BRF1: variants seen among roughly 807,000 people sequenced by gnomAD.
The protein encoded by BRF1 is BRF1 general transcription factor IIIB subunit.
Under a neutral mutation model 81.7 loss-of-function variants are expected in BRF1, and 59 were observed. The observed-to-expected ratio is 0.72, with a 90% CI of 0.59 to 0.90. The LOEUF is 0.90. Ranked by LOEUF, BRF1 falls within the 40% of genes least tolerant of loss-of-function variation. The probability of loss-of-function intolerance (pLI) is 0.00; values close to 1 mark genes in which losing one functional copy is unlikely to be tolerated. For missense variants in BRF1, 1,050 were observed against 936.3 expected (o/e 1.12, Z -1.58); for synonymous variants, 491 against 395.6 (o/e 1.24, Z -2.86).
chr14:105,244,611 G>A (rs959989451), intron 5 of BRF1, among the ~76,000 whole-genome samples: 1 of 152,088 alleles, frequency 6.6e-6, no homozygotes, highest in East Asian at 1.9e-4. Context: ...CCCATGTCAA[G>A]CAGCCTGGAA....
chr14:105,218,034 G>C (rs1218542607), intron 14 of BRF1, among the ~76,000 whole-genome samples: 1 of 152,194 alleles, frequency 6.6e-6, no homozygotes, highest in African/African-American at 2.4e-5. Context: ...ATGGGTGCTG[G>C]CAGGGCCTCC....
At chr14:105,226,791 C>G (rs377703091) in intron 7 of BRF1, 31 bp from the exon 8 acceptor site, 40 of 1,612,456 alleles carry the variant, frequency 2.5e-5, no homozygotes, top group Non-Finnish European at 3.1e-5. Flanking sequence ...GGAAATGGAG[C>G]TGGTGGCTCT....
intron 2 of BRF1, among the ~76,000 whole-genome samples, chr14:105,273,835 T>C (rs962977405): frequency 1.5e-4 from 23 of 152,230 alleles, no homozygotes; most frequent in Admixed American, 2.6e-4. Flanking sequence ...CCCCATGTGA[T>C]AGTCTGAAAT....
At chr14:105,287,460 T>C (rs1332129601) in intron 1 of BRF1, among the ~76,000 whole-genome samples, 1 of 152,086 alleles carries the variant, frequency 6.6e-6, no homozygotes, top group Admixed American at 6.6e-5. Flanking sequence ...CAGGGGCCAG[T>C]GCATTTGTGA....
At chr14:105,211,597 G>A (rs1890121980) in intron 16 of BRF1, 3 of 423,598 alleles carry the variant, frequency 7.1e-6, no homozygotes, top group Non-Finnish European at 1.3e-5. Context: ...CATAGGCCTC[G>A]GCCGAGGACA....
intron 1 of BRF1, chr14:105,314,847 C>T (rs2058494871): frequency 1.5e-6 from 1 of 662,022 alleles, no homozygotes. Context: ...CTCCGCGCGC[C>T]CGGCCCGCCC....
In BRF1 at chr14:105,241,409, A is replaced by C; in HGVS notation, c.550T>G (p.Cys184Gly). The C allele has an allele frequency of 1.9e-6, 3 of 1,611,812 alleles. No homozygotes were observed. The highest frequency in any genetic ancestry group is 2.5e-6 in the Non-Finnish European group (3 of 1,179,886). The stretch of plus-strand genomic sequence containing the variant: ...TGCGCAAAGCGTGGAATATACAGGC[A>C]CGGGTCTGCGGCAGACACAGCACCT... ...LCINAPAIDPCLYIPRFAHLL... is the reference protein window; with the variant it reads ...LCINAPAIDPGLYIPRFAHLL... The change falls in exon 6 of 18, where the codon TGC (cysteine) becomes GGC (glycine). Residue 184 changes from cysteine to glycine, a missense_variant. Physicochemically the swap from Cys to Gly is radical, Grantham distance 159. This residue lies in a region of BRF1 where 1,043 missense variants were observed against 915.4 expected (regional missense o/e 1.14). Coordinates refer to ENST00000547530, the MANE Select transcript of BRF1 (RefSeq NM_001519.4).
rs748281766 is a variant in BRF1 at position 105,256,422 on chromosome 14, G to A, written c.471+96C>T. The A allele has an allele frequency of 1.3e-5, 21 of 1,613,184 alleles. No individual in the cohort carries two copies. The highest frequency in any genetic ancestry group is 3.3e-5 in the Admixed American group (2 of 59,940). On this transcript the variant is annotated intron_variant, in intron 4 of 17. Transcript: ENST00000547530. Reference sequence around the variant, plus strand: ...CAGCACAGACCGGCCACTGAGATGCGTGGAGGCACCTGGGGTACACCCCGG... The same window carrying A: ...CAGCACAGACCGGCCACTGAGATGCATGGAGGCACCTGGGGTACACCCCGG...
chr14:105,309,927 A>G lies in BRF1; in HGVS notation c.-162+5395T>C, dbSNP rs2058301035. 6.6e-6 allele frequency among the ~76,000 whole-genome samples: 1 copy of G among 151,436 alleles called. No individual in the cohort carries two copies. Among genetic ancestry groups the G allele is most frequent in the Non-Finnish European group, 1.5e-5 (1 of 67,878 alleles). On this transcript the variant is annotated intron_variant, in intron 1 of 17. Coordinates refer to the BRF1 transcript ENST00000327359. This position sits in a 1 kb window ranked among gnomAD's most constrained non-coding sequence, Gnocchi z 4.0. ...CAGCCTCCCGACTAGCTGGGACTAC[A>G]GGCGCCCGCCACCACACCCGACTAA...
At position 105,212,107 on chromosome 14, in the gene BRF1, A is replaced by C. The variant is rs1890213731; in HGVS notation, c.1824+6T>G. ...CTCCCTGCCCTGGCTGCGTGGGACA[A>C]CACACCTCTCCCGTGGCCACCTTCT... is the stretch of plus-strand genomic sequence containing the variant. On this transcript the variant is annotated splice_donor_region_variant and intron_variant, in intron 16 of 17. Transcript: ENST00000547530. The C allele has an allele frequency of 7.4e-6, 12 of 1,612,366 alleles. No individual in the cohort carries two copies. The East Asian group carries it at 2.7e-4, about 36-fold the overall frequency.
chr14:105,308,525 C>T (rs1039800443), intron 1 of BRF1, among the ~76,000 whole-genome samples: 17 of 147,962 alleles, frequency 1.1e-4, no homozygotes, highest in East Asian at 4.2e-4. Flanking sequence ...CTCTGTCGTC[C>T]GGGCTGGAGT....
intron 1 of BRF1, among the ~76,000 whole-genome samples, chr14:105,310,257 A>G (rs934928677): frequency 2.6e-5 from 4 of 151,614 alleles, no homozygotes; most frequent in Non-Finnish European, 4.4e-5. Context: ...TGAGCCAGGC[A>G]CAGTGGCTCA....
At chr14:105,274,067 T>G (rs973382212) in intron 2 of BRF1, among the ~76,000 whole-genome samples, 12 of 152,224 alleles carry the variant, frequency 7.9e-5, no homozygotes, top group Non-Finnish European at 7.3e-5. Context: ...TGGCGGGAGA[T>G]TAGACACGTT....
At chr14:105,310,883 A>AAAAT (rs1383307782) in intron 1 of BRF1, among the ~76,000 whole-genome samples, 2 of 152,244 alleles carry the variant, frequency 1.3e-5, no homozygotes. Context: ...TCTATACCTG[A>AAAAT]AAATAGGTGT....
chr14:105,301,618 G>A (rs587732323), upstream of BRF1, among the ~76,000 whole-genome samples: 1 of 152,212 alleles, frequency 6.6e-6, no homozygotes. Context: ...CGCTCCGCTC[G>A]CCCAGGTTCC....
At chr14:105,272,081 G>A (rs587757290) in intron 3 of BRF1, among the ~76,000 whole-genome samples, 1 of 86,664 alleles carries the variant, frequency 1.2e-5, no homozygotes, top group South Asian at 4.4e-4. Flanking sequence ...CTGCAGTCAC[G>A]GTGTCCACGC....
intron 1 of BRF1, among the ~76,000 whole-genome samples, chr14:105,288,577 C>T (rs2057401177): frequency 6.6e-6 from 1 of 151,976 alleles, no homozygotes; most frequent in Non-Finnish European, 1.5e-5. Context: ...ATCGCCCAAC[C>T]CAGGAGTTCA....
In BRF1 at chr14:105,286,339, G is replaced by A. The variant is rs980630195; in HGVS notation, c.222C>T (p.His74=). 12 of 1,613,634 alleles carry A rather than the reference G, an allele frequency of 7.4e-6. No homozygotes were observed. Among genetic ancestry groups the A allele is most frequent in the African/African-American group, 6.7e-5 (5 of 74,932 alleles). Residue 74 remains histidine, a synonymous_variant, in exon 2 of 18, where the codon CAC becomes CAT. Transcript: ENST00000547530. The stretch of plus-strand genomic sequence containing the variant: ...CTCTCGACTCCTTCCCCAGATTCAC[G>A]TGGAAGCCGCCACCCAGAGTCGGGG... ...GKTPTLGGGF[H]VNLGKESRAQ... is the part of the protein sequence containing the mutation.
rs1227708197 is a variant in BRF1, at chr14:105,308,481, CT to C, written c.-162+6840del. ...TGGGCACGACAGAGGCAGATTCTGT[CT>C]TTTTTTTTTTTTTTTTTTGAGATGG... On this transcript the variant is annotated intron_variant, in intron 1 of 17. Transcript: ENST00000327359. Among the ~76,000 whole-genome samples the C allele has an allele frequency of 1.5e-3, 183 of 124,580 alleles. 1 individual carries two copies. The highest frequency in any genetic ancestry group is 8.1e-3 in the Middle Eastern group (2 of 248). 81.7% of individuals were successfully genotyped at this position (124,580 alleles called of 152,430 possible).
Sources: allele counts gnomAD v4.1 joint callset (sites outside exome capture counted in the v4.1 genomes callset), GRCh38; gene constraint gnomAD v4.1.1; regional missense constraint gnomAD v4.1.1; non-coding constraint Gnocchi (gnomAD v3.1); transcripts MANE v1.5; gene names NCBI Gene and HGNC (gene_info 2026-07-23, HGNC 2026-07-21).